The following TNFRSF8 variants were observed in gnomAD, a reference collection of about 807,000 sequenced individuals.
TNFRSF8 encodes TNF receptor superfamily member 8.
TNFRSF8 carries 26 observed loss-of-function variants against 70.8 expected under a neutral mutation model. The observed-to-expected ratio is 0.37, with a 90% confidence interval of 0.27 to 0.51. TNFRSF8 has a LOEUF of 0.51. Ranked by LOEUF, TNFRSF8 falls within the 20% of genes least tolerant of loss-of-function variation. TNFRSF8 has a pLI of 0.94. For synonymous variants in TNFRSF8, 356 were observed against 339.2 expected (o/e 1.05, Z -0.54); for missense variants, 720 against 807.9 (o/e 0.89, Z 1.32).
In TNFRSF8 at chr1:12,119,766, C is replaced by T. The variant is rs142379847; in HGVS notation, c.947-3518C>T. ...ACTGGCATGAGCCACCATGACTGGC[C>T]GATTCTTGTACAAGTCTTTGGGTGG... On this transcript the variant is annotated intron_variant, in intron 8 of 14. Transcript: ENST00000263932. This position sits in a 1 kb window ranked among gnomAD's most constrained non-coding sequence, Gnocchi z 4.4. Among the ~76,000 whole-genome samples the T allele has an allele frequency of 2.7e-3, 416 of 151,950 alleles. 3 individuals carry two copies. Among genetic ancestry groups the T allele is most frequent in the Middle Eastern group, 6.8e-3 (2 of 292 alleles).
chr1:12,102,461 C>G (rs1254373605), intron 3 of TNFRSF8, among the ~76,000 whole-genome samples: 1 of 152,216 alleles, frequency 6.6e-6, no homozygotes, highest in Non-Finnish European at 1.5e-5. Flanking sequence ...ATCTGCCAAG[C>G]TTGCCCCTTC....
At position 12,063,464 on chromosome 1, in the gene TNFRSF8, G is replaced by T; in HGVS notation, c.-135G>T. On this transcript the variant is annotated 5_prime_UTR_variant, in exon 1 of 15. Coordinates refer to ENST00000263932, the MANE Select transcript of TNFRSF8 (RefSeq NM_001243.5). This position sits in a 1 kb window ranked among gnomAD's most constrained non-coding sequence, Gnocchi z 7.2. The stretch of plus-strand genomic sequence containing the variant: ...TGCGTTGGGTGCGGACTAGGTGGCC[G>T]CGGCGGGAGTGTGCTGGAGCCTGAA... The T allele has an allele frequency of 1.4e-6, 1 of 692,362 alleles. No individual in the cohort carries two copies. The highest frequency in any genetic ancestry group is 2.0e-6 in the Non-Finnish European group (1 of 491,974). 42.9% of individuals were successfully genotyped at this position (692,362 alleles called of 1,614,324 possible). A position where few individuals can be genotyped will look rare whatever the true frequency, so the allele number is the denominator to read the frequency against.
intron 12 of TNFRSF8, among the ~76,000 whole-genome samples, chr1:12,133,326 C>CG (rs558912573): frequency 6.8e-6 from 1 of 147,394 alleles, no homozygotes; most frequent in African/African-American, 2.5e-5. Flanking sequence ...CTTTGTCACA[C>CG]TTTTTTTTTT....
In TNFRSF8 at chr1:12,088,679, C is replaced by T. The variant is rs982500203; in HGVS notation, c.151+4128C>T. On this transcript the variant is annotated intron_variant, in intron 2 of 14. Coordinates refer to ENST00000263932, the MANE Select transcript of TNFRSF8 (RefSeq NM_001243.5). This position sits in a 1 kb window ranked among gnomAD's most constrained non-coding sequence, Gnocchi z 4.0. ...CAGGTTCAGGGGAAGGATGTGAGGC[C>T]AGGCCAAGTGTTAGGTAGGGAGCAT... Among the ~76,000 whole-genome samples the T allele has an allele frequency of 7.9e-5, 12 of 152,224 alleles. No homozygotes were observed. Among genetic ancestry groups the T allele is most frequent in the African/African-American group, 2.9e-4 (12 of 41,448 alleles).
At chr1:12,069,998 G>A (rs1640814074) in intron 1 of TNFRSF8, among the ~76,000 whole-genome samples, 1 of 152,216 alleles carries the variant, frequency 6.6e-6, no homozygotes, top group Non-Finnish European at 1.5e-5. Context: ...GGAGGCCGGG[G>A]TGGCTGGAGG....
At position 12,068,376 on chromosome 1, in the gene TNFRSF8, G is replaced by A. The variant is rs940960689; in HGVS notation, c.63+4715G>A. Among the ~76,000 whole-genome samples, 8 of 152,268 alleles carry A rather than the reference G, an allele frequency of 5.3e-5. 1 individual carries two copies. In the South Asian group the frequency reaches 8.3e-4, roughly 16 times the overall value. On this transcript the variant is annotated intron_variant, in intron 1 of 14. Transcript: ENST00000263932. ...AAGGATTCAGTGCAGAGGCCCAGAG[G>A]TAGGGGAGAGTCTTGCCTACAGTTC...
At chr1:12,117,877 C>T (rs1290873336) in intron 8 of TNFRSF8, among the ~76,000 whole-genome samples, 2 of 151,924 alleles carry the variant, frequency 1.3e-5, no homozygotes, top group Non-Finnish European at 2.9e-5. Flanking sequence ...GTCTCTGTTG[C>T]CTTTTATTCC....
At chr1:12,093,927 C>T (rs998178756) in intron 2 of TNFRSF8, among the ~76,000 whole-genome samples, 6 of 151,878 alleles carry the variant, frequency 4.0e-5, no homozygotes, top group East Asian at 1.9e-4. Context: ...AACAATTAAC[C>T]GGTCATGGTG....
rs1641128838 is a variant in TNFRSF8 at position 12,084,994 on chromosome 1, T to C, written c.151+443T>C. 6.6e-5 allele frequency among the ~76,000 whole-genome samples: 10 copies of C among 152,322 alleles called. No homozygotes were observed. In the South Asian group the frequency reaches 2.1e-3, roughly 32 times the overall value. On this transcript the variant is annotated intron_variant, in intron 2 of 14. Coordinates refer to ENST00000263932, the MANE Select transcript of TNFRSF8 (RefSeq NM_001243.5). ...ACACAGTTGGGAAATGGTGGAATGA[T>C]CAGGGCTGGGGCCCAGGGCTCAGAG... is the stretch of plus-strand genomic sequence containing the variant.
Position 12,110,046 on chromosome 1 carries a change from C to A in TNFRSF8, c.518C>A (p.Thr173Asn), listed in dbSNP as rs766205557. The change falls in exon 6 of 15, where the codon ACC (threonine) becomes AAC (asparagine). Residue 173 changes from threonine to asparagine, a missense_variant. By Grantham distance (65) the Thr-to-Asn change is moderately conservative. Coordinates refer to ENST00000263932, the MANE Select transcript of TNFRSF8 (RefSeq NM_001243.5). This position sits in a 1 kb window ranked among gnomAD's most constrained non-coding sequence, Gnocchi z 4.0. ...PENCKEPSSG[T>N]IPQAKPTPVS... Reference sequence around the variant, plus strand: ...ATCTCTGGCTTCTTCCCCAGTGGCACCATCCCCCAGGCCAAGCCCACCCCG... The same window carrying A: ...ATCTCTGGCTTCTTCCCCAGTGGCAACATCCCCCAGGCCAAGCCCACCCCG... The A allele has an allele frequency of 2.3e-4, 372 of 1,612,752 alleles. 1 individual carries two copies. Among genetic ancestry groups the A allele is most frequent in the Non-Finnish European group, 2.9e-4 (345 of 1,179,466 alleles).
rs1184182875 is a variant in TNFRSF8, at chr1:12,110,083, A to G, written c.555A>G (p.Ala185=). The G allele has an allele frequency of 4.3e-6, 7 of 1,613,376 alleles. No individual in the cohort carries two copies. Among genetic ancestry groups the G allele is most frequent in the Non-Finnish European group, 5.9e-6 (7 of 1,179,766 alleles). Residue 185 remains alanine, a synonymous_variant, in exon 6 of 15, where the codon GCA becomes GCG. Coordinates refer to ENST00000263932, the MANE Select transcript of TNFRSF8 (RefSeq NM_001243.5). This position sits in a 1 kb window ranked among gnomAD's most constrained non-coding sequence, Gnocchi z 4.0. ...CCAAGCCCACCCCGGTGTCCCCAGC[A>G]ACCTCCAGTGCCAGCACCATGCCTG... ...PQAKPTPVSP[A]TSSASTMPVR...
At chr1:12,069,170 CTTTTTTTTTTTTTT>C (rs57009728) in intron 1 of TNFRSF8, among the ~76,000 whole-genome samples, 707 of 53,596 alleles carry the variant, frequency 0.013, 16 homozygotes, top group African/African-American at 0.056. Flanking sequence ...TGCACCCGGC[CTTTTTTTTTTTTTT>C]TTTTTTTTTT....
chr1:12,107,762 T>C (rs568771377), intron 4 of TNFRSF8, among the ~76,000 whole-genome samples: 5 of 152,190 alleles, frequency 3.3e-5, no homozygotes, highest in African/African-American at 1.2e-4. Flanking sequence ...TCCGGGGTTG[T>C]TGTTTTTTTT....
At position 12,109,586 on chromosome 1, in the gene TNFRSF8, G is replaced by T. The variant is rs750775367; in HGVS notation, c.442G>T (p.Val148Phe). Residue 148 changes from valine to phenylalanine, a missense_variant, in exon 5 of 15, where the codon GTC (valine) becomes TTC (phenylalanine). Val to Phe is a conservative substitution (Grantham distance 50, BLOSUM62 -1). Transcript: ENST00000263932. The surrounding 1 kb of genome is among the most constrained non-coding windows in gnomAD (Gnocchi z 4.4). ...TGCAGGCACGGCGCAGAAGAACACG[G>T]TCTGTGAGCCGGCTTCCCCAGGGGT... ...KFPGTAQKNTVCEPASPGVSP... is the reference protein window; with the variant it reads ...KFPGTAQKNTFCEPASPGVSP... The T allele has an allele frequency of 6.2e-7, 1 of 1,613,676 alleles. No homozygotes were observed. Among genetic ancestry groups the T allele is most frequent in the Non-Finnish European group, 8.5e-7 (1 of 1,179,946 alleles).
intron 8 of TNFRSF8, among the ~76,000 whole-genome samples, chr1:12,117,465 G>A (rs1641753724): frequency 6.6e-6 from 1 of 152,164 alleles, no homozygotes; most frequent in Admixed American, 6.5e-5. Context: ...CACTCTGTTT[G>A]TAAAGCCCTC....
At chr1:12,128,305 T>C (rs1641978975) in intron 12 of TNFRSF8, among the ~76,000 whole-genome samples, 1 of 152,212 alleles carries the variant, frequency 6.6e-6, no homozygotes, top group Non-Finnish European at 1.5e-5. Context: ...CCCCTTGGCC[T>C]CCCACATCCC....
At chr1:12,120,080 A>C (rs1040543092) in intron 8 of TNFRSF8, among the ~76,000 whole-genome samples, 1 of 152,204 alleles carries the variant, frequency 6.6e-6, no homozygotes, top group Non-Finnish European at 1.5e-5. Flanking sequence ...ACTTCAGCTA[A>C]ATTACAATCA....
chr1:12,137,183 G>T (rs1230310908), intron 13 of TNFRSF8, among the ~76,000 whole-genome samples: 1 of 152,076 alleles, frequency 6.6e-6, no homozygotes, highest in Non-Finnish European at 1.5e-5. Flanking sequence ...TGGAAGCTGA[G>T]GAATCTCAGC....
chr1:12,073,936 C>T (rs1640893070), intron 1 of TNFRSF8, among the ~76,000 whole-genome samples: 1 of 151,800 alleles, frequency 6.6e-6, no homozygotes, highest in Non-Finnish European at 1.5e-5. Context: ...CCCGTGGCGG[C>T]TGTTGCTGCC....
Sources: gnomAD v4.1 joint callset for allele counts (sites outside exome capture counted in the v4.1 genomes callset) on GRCh38, gnomAD v4.1.1 for gene constraint, Gnocchi (gnomAD v3.1) non-coding constraint, MANE v1.5 for transcripts, NCBI Gene and HGNC (gene_info 2026-07-23, HGNC 2026-07-21) for gene names.